IGF2BP3: variants seen among roughly 807,000 people sequenced by gnomAD.
The protein encoded by IGF2BP3 is insulin like growth factor 2 mRNA binding protein 3.
IGF2BP3 carries 9 observed loss-of-function variants against 73.8 expected under a neutral mutation model. The observed-to-expected ratio is 0.12, with a 90% CI of 0.07 to 0.21. The LOEUF (loss-of-function observed/expected upper bound fraction) is 0.21. Ranked by LOEUF, IGF2BP3 falls within the 10% of genes least tolerant of loss-of-function variation. IGF2BP3 has a pLI of 1.00. For missense variants in IGF2BP3, 542 were observed against 714.0 expected, an observed-to-expected ratio of 0.76 and a Z score of 2.75; for synonymous variants, 258 against 256.7, an observed-to-expected ratio of 1.01 and a Z score of -0.05.
chr7:23,355,861 A>C (rs1403716030), intron 5 of IGF2BP3, among the ~76,000 whole-genome samples: 1 of 151,176 alleles, frequency 6.6e-6, no homozygotes, highest in Non-Finnish European at 1.5e-5. Context: ...TGAATCTGGG[A>C]GGCGGAGGTT....
intron 2 of IGF2BP3, among the ~76,000 whole-genome samples, chr7:23,434,776 T>C (rs1787768389): frequency 6.6e-6 from 1 of 152,152 alleles, no homozygotes; most frequent in Non-Finnish European, 1.5e-5. Context: ...AAGCTCTTTT[T>C]CCTTCTAGTG....
At position 23,469,580 on chromosome 7, in the gene IGF2BP3, G is replaced by A. The variant is rs371507252; in HGVS notation, c.175+356C>T. The A allele has an allele frequency of 2.3e-3, 353 of 156,218 alleles. 2 individuals are homozygous for A. Among genetic ancestry groups the A allele is most frequent in the East Asian group, 0.022 (120 of 5,372 alleles). The allele number at this position is 156,218 out of a possible 1,614,324, so 9.7% of individuals were successfully genotyped here. ...GAACGAGGCACAGGCGGGCATTCTA[G>A]CTCGGCCCCCGAGGCCCAGCGTGCC... On this transcript the variant is annotated intron_variant, in intron 1 of 14. Coordinates refer to ENST00000258729, the MANE Select transcript of IGF2BP3 (RefSeq NM_006547.3). This position sits in a 1 kb window ranked among gnomAD's most constrained non-coding sequence, Gnocchi z 6.1.
chr7:23,363,919 A>C (rs1785297737), intron 3 of IGF2BP3, among the ~76,000 whole-genome samples: 1 of 152,258 alleles, frequency 6.6e-6, no homozygotes, highest in Non-Finnish European at 1.5e-5. Flanking sequence ...CAAAGATAAA[A>C]TATACAACAC....
intron 3 of IGF2BP3, among the ~76,000 whole-genome samples, chr7:23,372,316 GC>G (rs202046297): frequency 2.0e-5 from 3 of 151,870 alleles, no homozygotes; most frequent in Non-Finnish European, 4.4e-5. Flanking sequence ...CTCGTGATCT[GC>G]CCCCCCTGGC....
chr7:23,418,556 G>T (rs1459140795), intron 3 of IGF2BP3, among the ~76,000 whole-genome samples: 1 of 152,154 alleles, frequency 6.6e-6, no homozygotes, highest in African/African-American at 2.4e-5. Context: ...AGTTACCCAA[G>T]AATATATTTC....
chr7:23,452,289 C>T (rs975682800), intron 2 of IGF2BP3, among the ~76,000 whole-genome samples: 16 of 151,966 alleles, frequency 1.1e-4, no homozygotes, highest in African/African-American at 3.6e-4. Flanking sequence ...CAGGCGTGAG[C>T]CACCGCACCT....
At chr7:23,424,568 A>C (rs1787445419) in intron 2 of IGF2BP3, among the ~76,000 whole-genome samples, 1 of 152,020 alleles carries the variant, frequency 6.6e-6, no homozygotes, top group South Asian at 2.1e-4. Flanking sequence ...AAATTCAATC[A>C]TTATTTATTA....
At chr7:23,343,035 A>G (rs1784750030) in intron 9 of IGF2BP3, among the ~76,000 whole-genome samples, 2 of 152,182 alleles carry the variant, frequency 1.3e-5, no homozygotes, top group South Asian at 2.1e-4. Flanking sequence ...TTTTAAAGTC[A>G]TTTACTTTAA....
chr7:23,403,173 G>A (rs1213828273), intron 3 of IGF2BP3, among the ~76,000 whole-genome samples: 1 of 152,160 alleles, frequency 6.6e-6, no homozygotes, highest in Non-Finnish European at 1.5e-5. Context: ...TGTAAATCAA[G>A]ATACTATTAT....
chr7:23,325,834 T>C (rs1348236236), intron 10 of IGF2BP3, among the ~76,000 whole-genome samples: 1 of 152,166 alleles, frequency 6.6e-6, no homozygotes, highest in Non-Finnish European at 1.5e-5. Flanking sequence ...GGGAAAGGAT[T>C]CCCTATTTAA....
rs1784074752 is a variant in IGF2BP3, at chr7:23,319,335, C to A, written c.1204-81G>T. On this transcript the variant is annotated intron_variant, in intron 10 of 14. Coordinates refer to ENST00000258729, the MANE Select transcript of IGF2BP3 (RefSeq NM_006547.3). ...GTTAACATTAGCTTTAGGAAGGACACCTTCTCATGCAGTAGGAATACCAGG... is the reference window on the plus strand; with the variant it reads ...GTTAACATTAGCTTTAGGAAGGACAACTTCTCATGCAGTAGGAATACCAGG... 2.4e-5 allele frequency: 20 copies of A among 838,124 alleles called. No homozygotes were observed. In the South Asian group the frequency reaches 3.2e-4, roughly 14 times the overall value. 51.9% of individuals were successfully genotyped at this position (838,124 alleles called of 1,614,324 possible).
At chr7:23,327,926 C>T (rs1038492813) in intron 10 of IGF2BP3, among the ~76,000 whole-genome samples, 3 of 152,198 alleles carry the variant, frequency 2.0e-5, no homozygotes, top group African/African-American at 7.2e-5. Flanking sequence ...ATCAGACACA[C>T]AGGCCGTGCC....
In IGF2BP3 at chr7:23,459,332, G is replaced by C. The variant is rs139937793; in HGVS notation, c.236+9150C>G. Reference sequence around the variant, plus strand: ...CAGATTTTTTTAAATGTAAAAATGAGGGAATTTAGCTCCTCCCAAAAGATT... The same window carrying C: ...CAGATTTTTTTAAATGTAAAAATGACGGAATTTAGCTCCTCCCAAAAGATT... On this transcript the variant is annotated intron_variant, in intron 2 of 14. Coordinates refer to ENST00000258729, the MANE Select transcript of IGF2BP3 (RefSeq NM_006547.3). Among the ~76,000 whole-genome samples, 219 of 152,190 alleles carry C rather than the reference G, an allele frequency of 1.4e-3. 1 individual carries two copies. The highest frequency in any genetic ancestry group is 4.8e-3 in the African/African-American group (200 of 41,540).
chr7:23,319,955 G>C (rs761150374), intron 10 of IGF2BP3, among the ~76,000 whole-genome samples: 8 of 151,940 alleles, frequency 5.3e-5, no homozygotes, highest in Non-Finnish European at 1.0e-4. Flanking sequence ...TTGTTGCCCA[G>C]ACTAGAGTGC....
At chr7:23,356,281 G>A (rs188027302) in intron 5 of IGF2BP3, among the ~76,000 whole-genome samples, 83 of 152,278 alleles carry the variant, frequency 5.5e-4, no homozygotes, top group Middle Eastern at 3.4e-3. Flanking sequence ...TGCCTGGCTG[G>A]GTGCAGGAGC....
At position 23,399,953 on chromosome 7, in the gene IGF2BP3, G is replaced by GT. The variant is rs961724048; in HGVS notation, c.285+18822dup. On this transcript the variant is annotated intron_variant, in intron 3 of 14. Coordinates refer to ENST00000258729, the MANE Select transcript of IGF2BP3 (RefSeq NM_006547.3). The stretch of plus-strand genomic sequence containing the variant: ...ATCTCCCACTGAGCCATATGAGCCA[G>GT]TTTTTTTTTCCCCAACATTGGAACA... 1.1e-4 allele frequency among the ~76,000 whole-genome samples: 16 copies of GT among 151,640 alleles called. No homozygotes were observed. The East Asian group carries it at 1.9e-3, about 18-fold the overall frequency.
At chr7:23,464,535 T>A (rs1788519576) in intron 2 of IGF2BP3, among the ~76,000 whole-genome samples, 2 of 151,990 alleles carry the variant, frequency 1.3e-5, no homozygotes, top group African/African-American at 4.8e-5. Flanking sequence ...TTACTCTAAA[T>A]TAGCCAGGCA....
intron 2 of IGF2BP3, among the ~76,000 whole-genome samples, chr7:23,445,552 T>C (rs565111358): frequency 9.9e-5 from 15 of 152,282 alleles, no homozygotes; most frequent in African/African-American, 2.9e-4. Context: ...GGGTGTTTTG[T>C]ACACAGAAAA....
At chr7:23,396,281 A>T (rs577105648) in intron 3 of IGF2BP3, among the ~76,000 whole-genome samples, 1 of 151,902 alleles carries the variant, frequency 6.6e-6, no homozygotes, top group Non-Finnish European at 1.5e-5. Flanking sequence ...AGGGGTGCAC[A>T]CCTATAGCCC....
Sources: allele counts gnomAD v4.1 joint callset (sites outside exome capture counted in the v4.1 genomes callset), GRCh38; gene constraint gnomAD v4.1.1; non-coding constraint Gnocchi (gnomAD v3.1); transcripts MANE v1.5; gene names NCBI Gene and HGNC (gene_info 2026-07-23, HGNC 2026-07-21).